CCDC138: variants seen among roughly 807,000 people sequenced by gnomAD.
The protein encoded by CCDC138 is coiled-coil domain-containing protein 138.
A neutral mutation model predicts 82.3 loss-of-function variants in CCDC138; 66 were observed. The observed-to-expected ratio is 0.80, with a 90% confidence interval of 0.66 to 0.98. CCDC138 has a LOEUF of 0.98. Ranked by LOEUF, CCDC138 falls within the 50% of genes least tolerant of loss-of-function variation. CCDC138 has a pLI of 0.00. For synonymous variants in CCDC138, 297 were observed against 265.4 expected (o/e 1.12, Z -1.16); for missense variants, 816 against 758.9 (o/e 1.08, Z -0.88).
chr2:108,873,872 AGACCTTTCT>A (rs1176998871), intron 14 of CCDC138, among the ~76,000 whole-genome samples: 1 of 152,208 alleles, frequency 6.6e-6, no homozygotes, highest in East Asian at 1.9e-4. Flanking sequence ...AGCTTGATTT[AGACCTTTCT>A]GAATCCCATG....
chr2:108,808,514 C>G, intron 7 of CCDC138, among the ~76,000 whole-genome samples: 1 of 152,130 alleles, frequency 6.6e-6, no homozygotes, highest in East Asian at 1.9e-4. Flanking sequence ...CACATCCTCA[C>G]CAACGTTTAT....
intron 10 of CCDC138, among the ~76,000 whole-genome samples, chr2:108,837,647 A>G (rs1688791173): frequency 6.6e-6 from 1 of 152,230 alleles, no homozygotes; most frequent in Admixed American, 6.5e-5. Flanking sequence ...CTGTGCTGCC[A>G]GTTACATAAA....
chr2:108,858,074 T>C (rs1692919494), intron 13 of CCDC138, among the ~76,000 whole-genome samples: 1 of 152,224 alleles, frequency 6.6e-6, no homozygotes, highest in Non-Finnish European at 1.5e-5. Flanking sequence ...CCAGGTGCAG[T>C]GGCTCATGCC....
chr2:108,793,303 A>C (rs1178719793), intron 4 of CCDC138, among the ~76,000 whole-genome samples: 1 of 152,110 alleles, frequency 6.6e-6, no homozygotes, highest in Non-Finnish European at 1.5e-5. Context: ...ACTGCACTCC[A>C]GCCTGGGCGA....
At chr2:108,846,510 T>C (rs1352207752) in intron 11 of CCDC138, among the ~76,000 whole-genome samples, 1 of 149,666 alleles carries the variant, frequency 6.7e-6, no homozygotes, top group Non-Finnish European at 1.5e-5. Context: ...GAGACCCATC[T>C]CTACCGAAAA....
intron 13 of CCDC138, among the ~76,000 whole-genome samples, chr2:108,862,694 A>G (rs1444065182): frequency 6.6e-6 from 1 of 152,228 alleles, no homozygotes; most frequent in Non-Finnish European, 1.5e-5. Flanking sequence ...TTAATTAAAA[A>G]ACCAACAAAT....
intron 6 of CCDC138, among the ~76,000 whole-genome samples, chr2:108,802,102 G>A (rs1258525980): frequency 6.9e-6 from 1 of 144,844 alleles, no homozygotes; most frequent in Admixed American, 7.1e-5. Context: ...GGATTGACTT[G>A]GCGATGCGGG....
chr2:108,856,091 T>C (rs1692548806), intron 12 of CCDC138, among the ~76,000 whole-genome samples: 1 of 152,234 alleles, frequency 6.6e-6, no homozygotes, highest in African/African-American at 2.4e-5. Flanking sequence ...AGTATCTTAC[T>C]ACTTCATTTG....
intron 3 of CCDC138, 88 bp from the exon 4 acceptor site, chr2:108,791,587 A>G (rs766767840): frequency 7.0e-7 from 1 of 1,428,566 alleles, no homozygotes; most frequent in Non-Finnish European, 9.8e-7. Context: ...TTTCTCAGTT[A>G]TGCTGTTAAT....
chr2:108,787,943 T>A (rs1679184392), intron 1 of CCDC138, 89 bp from the exon 2 acceptor site: 1 of 1,108,492 alleles, frequency 9.0e-7, no homozygotes, highest in African/African-American at 1.6e-5. Context: ...CTCTAACCTT[T>A]GTAATTAATA....
chr2:108,788,790 G>C (rs1679401382), intron 2 of CCDC138, 62 bp from the exon 3 acceptor site: 1 of 1,604,696 alleles, frequency 6.2e-7, no homozygotes, highest in Admixed American at 1.7e-5. Context: ...CTTATGGCCA[G>C]TGCCAGATAT....
chr2:108,788,499 C>T (rs927355962), intron 2 of CCDC138, among the ~76,000 whole-genome samples: 1 of 151,568 alleles, frequency 6.6e-6, no homozygotes, highest in South Asian at 2.1e-4. Flanking sequence ...GGGCGGATCA[C>T]GAGGTCAGGA....
At chr2:108,793,783 T>C (rs998027108) in intron 4 of CCDC138, among the ~76,000 whole-genome samples, 1 of 151,916 alleles carries the variant, frequency 6.6e-6, no homozygotes, top group Non-Finnish European at 1.5e-5. Context: ...TTTGTATTTT[T>C]AGTAGAGACG....
rs750576817 is a variant in CCDC138, at chr2:108,786,804, G to T, written c.-19G>T. ...GATGAACGCGGTTCCCGGGGAGACTGGTACGGTTGCTGTGTGCTATGGAGC... is the reference window on the plus strand; with the variant it reads ...GATGAACGCGGTTCCCGGGGAGACTTGTACGGTTGCTGTGTGCTATGGAGC... On this transcript the variant is annotated 5_prime_UTR_variant, in exon 1 of 15. Coordinates refer to ENST00000295124, the MANE Select transcript of CCDC138 (RefSeq NM_144978.3). The T allele has an allele frequency of 2.2e-5, 35 of 1,576,380 alleles. No individual in the cohort carries two copies. The highest frequency in any genetic ancestry group is 3.0e-5 in the Non-Finnish European group (35 of 1,160,970).
chr2:108,813,248 C>CAAAAAAAAAA (rs371435296), intron 9 of CCDC138, among the ~76,000 whole-genome samples: 3 of 63,542 alleles, frequency 4.7e-5, no homozygotes, highest in Non-Finnish European at 7.6e-5. Flanking sequence ...GACTCCGTCT[C>CAAAAAAAAAA]AAAAAAAAAA....
intron 5 of CCDC138, among the ~76,000 whole-genome samples, chr2:108,795,150 A>ATTTTTTTTTTTTTTTT (rs11458525): frequency 5.9e-5 from 5 of 85,040 alleles, no homozygotes; most frequent in Admixed American, 1.8e-4. Flanking sequence ...TCTAAAGTGT[A>ATTTTTTTTTTTTTTTT]TTTTTTTTTT....
At chr2:108,838,017 C>T (rs1358777440) in intron 10 of CCDC138, among the ~76,000 whole-genome samples, 1 of 151,528 alleles carries the variant, frequency 6.6e-6, no homozygotes, top group Non-Finnish European at 1.5e-5. Context: ...TTGTGGTTTC[C>T]ACATGAAAGG....
intron 3 of CCDC138, among the ~76,000 whole-genome samples, chr2:108,791,061 C>A (rs1432079315): frequency 6.6e-6 from 1 of 152,064 alleles, no homozygotes; most frequent in Admixed American, 6.5e-5. Context: ...CATGCCTGTT[C>A]TATCCTAATA....
At chr2:108,871,687 AT>A (rs1349875577) in intron 13 of CCDC138, among the ~76,000 whole-genome samples, 1 of 152,180 alleles carries the variant, frequency 6.6e-6, no homozygotes, top group Non-Finnish European at 1.5e-5. Flanking sequence ...TGTATACCCT[AT>A]TTAAATACTG....
Sources: allele counts gnomAD v4.1 joint callset (sites outside exome capture counted in the v4.1 genomes callset), GRCh38; gene constraint gnomAD v4.1.1; transcripts MANE v1.5; gene names NCBI Gene and HGNC (gene_info 2026-07-23, HGNC 2026-07-21).